Variants in ADGRD1 observed in about 807,000 individuals in gnomAD.
ADGRD1 encodes the protein G-protein coupled receptor 133.
Under a neutral mutation model 113.4 loss-of-function variants are expected in ADGRD1, and 77 were observed. The observed-to-expected ratio is 0.68, with a 90% CI of 0.57 to 0.82. The LOEUF is 0.82. Among genes scored for constraint, ADGRD1 ranks in the 40% least tolerant of loss-of-function variants. The probability of loss-of-function intolerance (pLI) is 0.00; values close to 1 mark genes in which losing one functional copy is unlikely to be tolerated. For synonymous variants in ADGRD1, 474 were observed against 475.0 expected, an observed-to-expected ratio of 1.00 and a Z score of 0.03; for missense variants, 1,036 against 1,139.1, an observed-to-expected ratio of 0.91 and a Z score of 1.30.
intron 8 of ADGRD1, chr12:130,994,075 C>T (rs914929179): frequency 1.3e-5 from 3 of 237,964 alleles, no homozygotes; most frequent in African/African-American, 6.7e-5. Context: ...GTGGGATTAG[C>T]AACCAGCTCA....
At chr12:130,963,689 T>A (rs1174622950) in intron 2 of ADGRD1, among the ~76,000 whole-genome samples, 1 of 151,808 alleles carries the variant, frequency 6.6e-6, no homozygotes, top group Non-Finnish European at 1.5e-5. Context: ...GCCAGCGCTC[T>A]GTAGATGAGC....
intron 7 of ADGRD1, 133 bp from the exon 8 acceptor site, chr12:130,992,104 G>C: frequency 3.0e-6 from 2 of 676,030 alleles, no homozygotes; most frequent in Admixed American, 2.7e-5. Context: ...CTGGGCAACA[G>C]AGCAAGACTC....
Position 131,123,052 on chromosome 12 carries a change from T to G in ADGRD1, c.2175+2139T>G, listed in dbSNP as rs530234114. ...ATTACCTGGGGAGTTTTTTTTTTTT[T>G]TTTTTTTTTTTTTTTTTTTTTGCGA... On this transcript the variant is annotated intron_variant, in intron 20 of 24. Coordinates refer to ENST00000261654, the MANE Select transcript of ADGRD1 (RefSeq NM_198827.5). Among the ~76,000 whole-genome samples, 521 of 125,916 alleles carry G rather than the reference T, an allele frequency of 4.1e-3. 1 individual carries two copies. Among genetic ancestry groups the G allele is most frequent in the African/African-American group, 9.5e-3 (297 of 31,410 alleles). The allele number at this position is 125,916 out of a possible 152,430, so 82.6% of individuals were successfully genotyped here. A position where few individuals can be genotyped will look rare whatever the true frequency, so the allele number is the denominator to read the frequency against.
rs1951219917 is a variant in ADGRD1 at position 131,140,591 on chromosome 12, C to A, written c.*1328C>A. 6.6e-6 allele frequency: 1 copy of A among 152,232 alleles called. No homozygotes were observed. The allele number at this position is 152,232 out of a possible 1,614,324, so 9.4% of individuals were successfully genotyped here. On this transcript the variant is annotated 3_prime_UTR_variant, in exon 25 of 25. Transcript: ENST00000261654. ...CTGGTTTTGATACTGGAAACTCTTC[C>A]TTTAAAACTGTGACCATGATTTCAT... is the stretch of plus-strand genomic sequence containing the variant.
chr12:131,130,399 C>T (rs1485076366), intron 20 of ADGRD1, among the ~76,000 whole-genome samples: 4 of 152,178 alleles, frequency 2.6e-5, no homozygotes, highest in Non-Finnish European at 5.9e-5. Context: ...CAATAGTGTC[C>T]TAAGGGGCTA....
intron 13 of ADGRD1, among the ~76,000 whole-genome samples, chr12:131,052,008 T>C (rs1883446417): frequency 1.3e-5 from 2 of 152,174 alleles, no homozygotes; most frequent in African/African-American, 4.8e-5. Flanking sequence ...TATGTTGAGA[T>C]CTCCTCCTCC....
intron 23 of ADGRD1, chr12:131,137,924 A>G: frequency 1.8e-6 from 1 of 543,128 alleles, no homozygotes; most frequent in Non-Finnish European, 3.4e-6. Context: ...AGGCCACTCC[A>G]CACCCAGCTT....
chr12:131,066,261 G>A (rs1441519548), intron 13 of ADGRD1, among the ~76,000 whole-genome samples: 2 of 152,182 alleles, frequency 1.3e-5, no homozygotes, highest in African/African-American at 2.4e-5. Context: ...CGGGGAGGGC[G>A]GAGGATGTGA....
At chr12:130,974,663 T>A (rs1872094552) in intron 4 of ADGRD1, among the ~76,000 whole-genome samples, 1 of 138,686 alleles carries the variant, frequency 7.2e-6, no homozygotes, top group Non-Finnish European at 1.5e-5. Flanking sequence ...CTTTTATATT[T>A]CTGATTTCCA....
At chr12:131,093,741 G>T (rs1488253347) in intron 15 of ADGRD1, among the ~76,000 whole-genome samples, 2 of 152,212 alleles carry the variant, frequency 1.3e-5, no homozygotes, top group Non-Finnish European at 2.9e-5. Flanking sequence ...CCTGCATGCA[G>T]CTGGGGTTAG....
chr12:131,052,219 T>C (rs1883464062), intron 13 of ADGRD1, among the ~76,000 whole-genome samples: 1 of 152,164 alleles, frequency 6.6e-6, no homozygotes, highest in African/African-American at 2.4e-5. Flanking sequence ...AACACTGGGC[T>C]GTGCGAGCCA....
At chr12:131,042,733 G>A (rs909457429) in intron 13 of ADGRD1, among the ~76,000 whole-genome samples, 9 of 152,220 alleles carry the variant, frequency 5.9e-5, no homozygotes, top group African/African-American at 2.2e-4. Context: ...CTCCAACCCC[G>A]GCATGGCGTC....
At chr12:131,081,815 T>G (rs923919758) in intron 14 of ADGRD1, among the ~76,000 whole-genome samples, 2 of 152,240 alleles carry the variant, frequency 1.3e-5, no homozygotes, top group Non-Finnish European at 2.9e-5. Context: ...GCAGTTCTGG[T>G]CCACTGGCAA....
intron 15 of ADGRD1, among the ~76,000 whole-genome samples, chr12:131,102,310 T>G (rs113452481): frequency 1.3e-5 from 2 of 152,194 alleles, no homozygotes; most frequent in Admixed American, 1.3e-4. Flanking sequence ...GAGATGTTTG[T>G]TTCCATTGCC....
At chr12:131,120,642 T>C (rs1446321731) in intron 19 of ADGRD1, 1 of 642,946 alleles carries the variant, frequency 1.6e-6, no homozygotes, top group African/African-American at 1.8e-5. Context: ...TGTCCTGGTC[T>C]TCAAACCTGG....
At chr12:131,076,950 G>A in intron 14 of ADGRD1, 76 bp downstream of exon 14, 1 of 1,170,060 alleles carries the variant, frequency 8.5e-7, no homozygotes, top group Non-Finnish European at 1.3e-6. Flanking sequence ...GCCCAGGGGA[G>A]GATCTGGGTC....
chr12:131,087,621 G>T (rs1886574994), intron 15 of ADGRD1, among the ~76,000 whole-genome samples: 1 of 152,202 alleles, frequency 6.6e-6, no homozygotes, highest in Non-Finnish European at 1.5e-5. Flanking sequence ...GGTAAATATT[G>T]TGCAGGCAGC....
At chr12:131,033,546 G>A (rs1422590515) in intron 13 of ADGRD1, among the ~76,000 whole-genome samples, 4 of 152,248 alleles carry the variant, frequency 2.6e-5, no homozygotes, top group African/African-American at 4.8e-5. Context: ...GGGTTGCGCA[G>A]GTGTGCAGTG....
intron 17 of ADGRD1, among the ~76,000 whole-genome samples, chr12:131,106,976 G>A (rs1342570323): frequency 3.9e-5 from 6 of 152,198 alleles, no homozygotes; most frequent in African/African-American, 1.4e-4. Context: ...TCATTCAGGT[G>A]ATGCTGACGC....
Sources: allele counts gnomAD v4.1 joint callset (sites outside exome capture counted in the v4.1 genomes callset), GRCh38; gene constraint gnomAD v4.1.1; transcripts MANE v1.5; gene names NCBI Gene and HGNC (gene_info 2026-07-23, HGNC 2026-07-21).